SASH1: variants seen among roughly 807,000 people sequenced by gnomAD.
The protein encoded by SASH1 is SAM and SH3 domain containing 1.
SASH1 carries 44 observed loss-of-function variants against 125.2 expected under a neutral mutation model. That is an observed-to-expected ratio of 0.35 (90% CI 0.28 to 0.45). SASH1 has a LOEUF of 0.45. Among genes scored for constraint, SASH1 ranks in the 20% least tolerant of loss-of-function variants. SASH1 has a pLI of 1.00. For missense variants in SASH1, 1,426 were observed against 1,614.5 expected (o/e 0.88, Z 2.00); for synonymous variants, 639 against 649.1 (o/e 0.98, Z 0.24).
At chr6:148,236,846 G>A in the SASH1 span, among the ~76,000 whole-genome samples, 19 of 152,338 alleles carry the variant, frequency 1.2e-4, no homozygotes, top group African/African-American at 3.8e-4. Context: ...GTGTTAGGAG[G>A]TGGGGCCTCA....
At chr6:148,387,564 T>C (rs1562370777) in intron 1 of SASH1, among the ~76,000 whole-genome samples, 1 of 142,272 alleles carries the variant, frequency 7.0e-6, no homozygotes, top group Non-Finnish European at 1.6e-5. Flanking sequence ...TTTCTTTCTT[T>C]TCTCTTTCTT....
intron 8 of SASH1, among the ~76,000 whole-genome samples, chr6:148,497,982 C>G (rs993014833): frequency 2.0e-5 from 3 of 151,980 alleles, no homozygotes; most frequent in African/African-American, 7.2e-5. Context: ...CATGGCAGGC[C>G]CATTTGGCTC....
intron 1 of SASH1, among the ~76,000 whole-genome samples, chr6:148,368,825 C>A (rs964108533): frequency 3.0e-5 from 4 of 133,660 alleles, no homozygotes; most frequent in African/African-American, 1.1e-4. Flanking sequence ...GATATAGATA[C>A]AAGAATCTTC....
intron 11 of SASH1, among the ~76,000 whole-genome samples, chr6:148,525,791 C>T (rs1781110087): frequency 6.6e-6 from 1 of 152,138 alleles, no homozygotes; most frequent in Non-Finnish European, 1.5e-5. Flanking sequence ...GAACACCAGT[C>T]TTATTATGGG....
At chr6:148,230,820 G>GAGTT in the SASH1 span, among the ~76,000 whole-genome samples, 1 of 151,996 alleles carries the variant, frequency 6.6e-6, no homozygotes, top group African/African-American at 2.4e-5. Flanking sequence ...ATCTTAAATT[G>GAGTT]AGTTATTTAT....
At chr6:148,322,914 CTTT>C (rs1381385165) in intron 1 of SASH1, among the ~76,000 whole-genome samples, 5 of 145,110 alleles carry the variant, frequency 3.4e-5, no homozygotes, top group African/African-American at 1.3e-4. Context: ...CTCTTTCTTT[CTTT>C]TTTCTTTCTC....
intron 2 of SASH1, among the ~76,000 whole-genome samples, chr6:148,391,235 G>A (rs939582845): frequency 1.3e-5 from 2 of 151,228 alleles, no homozygotes; most frequent in African/African-American, 2.4e-5. Context: ...TCAGCCTCCC[G>A]AGTGGCTGGG....
At chr6:148,246,316 C>T in the SASH1 span, among the ~76,000 whole-genome samples, 1 of 152,218 alleles carries the variant, frequency 6.6e-6, no homozygotes, top group South Asian at 2.1e-4. Context: ...AGAATGTTTC[C>T]TTTAGAATTG....
At chr6:148,197,584 A>G in the SASH1 span, among the ~76,000 whole-genome samples, 4,595 of 152,264 alleles carry the variant, frequency 0.03, 200 homozygotes, top group African/African-American at 0.11. Context: ...CTGCTCCCTC[A>G]AAGCTTCTCC....
chr6:148,264,925 T>C, the SASH1 span, among the ~76,000 whole-genome samples: 1 of 152,362 alleles, frequency 6.6e-6, no homozygotes, highest in East Asian at 1.9e-4. Flanking sequence ...TTCATGAAAG[T>C]AGGGGCCTTG....
chr6:148,405,252 A>G (rs556260828), intron 2 of SASH1, among the ~76,000 whole-genome samples: 1 of 152,086 alleles, frequency 6.6e-6, no homozygotes, highest in South Asian at 2.1e-4. Flanking sequence ...GCATGTATGT[A>G]TGTGCCAGTG....
At chr6:148,487,574 C>A in intron 7 of SASH1, 40 bp from the exon 8 acceptor site, 1 of 1,450,070 alleles carries the variant, frequency 6.9e-7, no homozygotes, top group Non-Finnish European at 9.7e-7. Context: ...CAGTGTCTGG[C>A]CATTCTTTCC....
chr6:148,224,226 G>A, the SASH1 span, among the ~76,000 whole-genome samples: 1 of 152,140 alleles, frequency 6.6e-6, no homozygotes, highest in Non-Finnish European at 1.5e-5. Flanking sequence ...AGCCTAAGAG[G>A]TCAAGGATAC....
chr6:148,358,557 C>CAGT (rs1355381365), intron 1 of SASH1, among the ~76,000 whole-genome samples: 1 of 152,034 alleles, frequency 6.6e-6, no homozygotes, highest in East Asian at 1.9e-4. Flanking sequence ...GATATTGTAC[C>CAGT]AGTGCCTTGG....
the SASH1 span, among the ~76,000 whole-genome samples, chr6:148,226,326 A>C: frequency 6.6e-6 from 1 of 152,186 alleles, no homozygotes; most frequent in Non-Finnish European, 1.5e-5. Context: ...ATTTGTTTTC[A>C]ATCCTGATTT....
chr6:148,432,354 G>A (rs759371372), intron 2 of SASH1, among the ~76,000 whole-genome samples: 6 of 152,064 alleles, frequency 3.9e-5, no homozygotes, highest in Non-Finnish European at 7.4e-5. Flanking sequence ...GGATCTCTCC[G>A]GTGAAGAACA....
At chr6:148,491,293 G>A (rs528388839) in intron 8 of SASH1, among the ~76,000 whole-genome samples, 5 of 152,126 alleles carry the variant, frequency 3.3e-5, no homozygotes, top group African/African-American at 9.6e-5. Flanking sequence ...TTGTTGAGAC[G>A]GAGTCTCACT....
chr6:148,429,669 G>C (rs1775981768), intron 2 of SASH1, among the ~76,000 whole-genome samples: 1 of 151,914 alleles, frequency 6.6e-6, no homozygotes, highest in Non-Finnish European at 1.5e-5. Context: ...CTTGAGTTTA[G>C]GAGGTCAAGG....
At chr6:148,463,919 C>G (rs1413773868) in intron 4 of SASH1, among the ~76,000 whole-genome samples, 1 of 152,146 alleles carries the variant, frequency 6.6e-6, no homozygotes, top group Non-Finnish European at 1.5e-5. Context: ...AGTCGCCCTT[C>G]TTGAATCTGT....
Sources: allele counts gnomAD v4.1 joint callset (sites outside exome capture counted in the v4.1 genomes callset), GRCh38; gene constraint gnomAD v4.1.1; transcripts MANE v1.5; gene names NCBI Gene and HGNC (gene_info 2026-07-23, HGNC 2026-07-21).